The following TRPC6 variants were observed in gnomAD, a reference collection of about 807,000 sequenced individuals.
TRPC6 encodes short transient receptor potential channel 6.
Under a neutral mutation model 90.7 loss-of-function variants are expected in TRPC6, and 55 were observed. The observed-to-expected ratio is 0.61, with a 90% confidence interval of 0.49 to 0.76. The LOEUF is 0.76. TRPC6 is among the 30% of genes least tolerant of loss of function. The pLI is 0.00. For missense variants in TRPC6, 989 were observed against 1,122.7 expected, an observed-to-expected ratio of 0.88 and a Z score of 1.70; for synonymous variants, 393 against 393.0, an observed-to-expected ratio of 1.00 and a Z score of 0.00.
At chr11:101,495,101 C>A (rs1168759641) in intron 2 of TRPC6, among the ~76,000 whole-genome samples, 1 of 152,142 alleles carries the variant, frequency 6.6e-6, no homozygotes, top group Non-Finnish European at 1.5e-5. Context: ...GATCACACAC[C>A]TACACTGTAC....
chr11:101,545,742 T>G (rs1015562941), intron 1 of TRPC6, among the ~76,000 whole-genome samples: 2 of 152,190 alleles, frequency 1.3e-5, no homozygotes, highest in Admixed American at 1.3e-4. Context: ...AATTTTTAGG[T>G]AGATGATGGA....
At chr11:101,523,670 T>C (rs1223802979) in intron 1 of TRPC6, among the ~76,000 whole-genome samples, 2 of 152,202 alleles carry the variant, frequency 1.3e-5, no homozygotes, top group African/African-American at 2.4e-5. Flanking sequence ...CAGATACTTA[T>C]TGTTAGCTGA....
chr11:101,478,273 T>C (rs933964493), intron 5 of TRPC6, among the ~76,000 whole-genome samples: 1 of 152,196 alleles, frequency 6.6e-6, no homozygotes, highest in Non-Finnish European at 1.5e-5. Flanking sequence ...TTTTGAGTTG[T>C]TTCAAGTTAA....
intron 5 of TRPC6, among the ~76,000 whole-genome samples, chr11:101,479,009 T>G (rs1416113217): frequency 1.3e-5 from 2 of 152,160 alleles, no homozygotes; most frequent in Non-Finnish European, 2.9e-5. Context: ...TCACTTTGTC[T>G]TCTTTTTCAC....
chr11:101,538,551 A>G (rs1861103913), intron 1 of TRPC6, among the ~76,000 whole-genome samples: 1 of 152,228 alleles, frequency 6.6e-6, no homozygotes, highest in African/African-American at 2.4e-5. Flanking sequence ...GTTACATGGC[A>G]AAAGGGACTC....
In TRPC6 at chr11:101,583,526, G is replaced by A; in HGVS notation, c.-23C>T. The A allele has an allele frequency of 3.5e-6, 5 of 1,435,766 alleles. No homozygotes were observed. The highest frequency in any genetic ancestry group is 4.5e-6 in the Non-Finnish European group (5 of 1,099,654). 88.9% of individuals were successfully genotyped at this position (1,435,766 alleles called of 1,614,324 possible). Reference sequence around the variant, plus strand: ...CATGGCGGGAACGCCCGACTGGCCTGGGCCCCGCTCCCGGGGGAGCCGAGT... The same window carrying A: ...CATGGCGGGAACGCCCGACTGGCCTAGGCCCCGCTCCCGGGGGAGCCGAGT... On this transcript the variant is annotated 5_prime_UTR_variant, in exon 1 of 13. Transcript: ENST00000344327.
At chr11:101,526,861 CAAAAAAAAAAAAAAAAAAA>C (rs573864895) in intron 1 of TRPC6, among the ~76,000 whole-genome samples, 27 of 36,122 alleles carry the variant, frequency 7.5e-4, no homozygotes, top group Admixed American at 2.9e-3. Context: ...GAGACTGTCT[CAAAAAAAAAAAAAAAAAAA>C]AAAAAAAAAA....
intron 7 of TRPC6, 44 bp downstream of exon 7, chr11:101,473,465 T>C (rs778885286): frequency 6.2e-7 from 1 of 1,604,642 alleles, no homozygotes; most frequent in Non-Finnish European, 8.5e-7. Flanking sequence ...CTAATATTTA[T>C]TTAATTTGCA....
intron 1 of TRPC6, among the ~76,000 whole-genome samples, chr11:101,514,214 A>G (rs1860463894): frequency 6.6e-6 from 1 of 152,202 alleles, no homozygotes; most frequent in South Asian, 2.1e-4. Flanking sequence ...CTCAGCTTCA[A>G]CATGTTCTAG....
At chr11:101,562,739 A>G (rs756576559) in intron 1 of TRPC6, among the ~76,000 whole-genome samples, 17 of 152,182 alleles carry the variant, frequency 1.1e-4, no homozygotes, top group Non-Finnish European at 2.2e-4. Flanking sequence ...CTTGTCCAAG[A>G]GAGTAAAGAA....
At chr11:101,563,892 T>C (rs896934790) in intron 1 of TRPC6, among the ~76,000 whole-genome samples, 1 of 152,214 alleles carries the variant, frequency 6.6e-6, no homozygotes, top group Non-Finnish European at 1.5e-5. Flanking sequence ...TTCCATTTTC[T>C]ACTTGTACAT....
At chr11:101,521,038 C>T (rs1235086255) in intron 1 of TRPC6, among the ~76,000 whole-genome samples, 1 of 152,134 alleles carries the variant, frequency 6.6e-6, no homozygotes, top group Non-Finnish European at 1.5e-5. Context: ...AAAAGAAAAA[C>T]CCATTTTTCA....
chr11:101,456,369 A>C (rs1858882803), intron 10 of TRPC6, among the ~76,000 whole-genome samples: 1 of 152,194 alleles, frequency 6.6e-6, no homozygotes, highest in South Asian at 2.1e-4. Context: ...ATAACATCTT[A>C]AATAATATAA....
At position 101,506,807 on chromosome 11, in the gene TRPC6, G is replaced by A. The variant is rs189743974; in HGVS notation, c.171-2009C>T. On this transcript the variant is annotated intron_variant, in intron 1 of 12. Coordinates refer to ENST00000344327, the MANE Select transcript of TRPC6 (RefSeq NM_004621.6). ...TTTTAATTTTAGTAAAGTTATACAT[G>A]TGCATATTTTAGTTTATTCTATGTC... 8.6e-4 allele frequency among the ~76,000 whole-genome samples: 130 copies of A among 151,996 alleles called. 1 individual carries two copies. The highest frequency in any genetic ancestry group is 2.8e-3 in the African/African-American group (116 of 41,428).
intron 1 of TRPC6, among the ~76,000 whole-genome samples, chr11:101,508,877 A>C (rs547906853): frequency 3.3e-5 from 5 of 152,128 alleles, no homozygotes; most frequent in African/African-American, 4.8e-5. Flanking sequence ...TCATCCATTA[A>C]AATGGGAGAA....
intron 1 of TRPC6, among the ~76,000 whole-genome samples, chr11:101,516,670 C>A (rs1224450557): frequency 3.3e-5 from 5 of 152,204 alleles, no homozygotes; most frequent in Non-Finnish European, 7.3e-5. Flanking sequence ...AGAGCAGAAC[C>A]TGTGGTTCAT....
At chr11:101,455,973 AGATT>A (rs1858873553) in intron 10 of TRPC6, among the ~76,000 whole-genome samples, 1 of 152,190 alleles carries the variant, frequency 6.6e-6, no homozygotes, top group African/African-American at 2.4e-5. Flanking sequence ...AAATATGGCA[AGATT>A]GATAAGATTA....
intron 1 of TRPC6, among the ~76,000 whole-genome samples, chr11:101,555,797 T>A (rs1378762241): frequency 1.3e-5 from 2 of 152,130 alleles, no homozygotes; most frequent in Non-Finnish European, 2.9e-5. Flanking sequence ...TAAAATTTAT[T>A]TACAAAACTT....
At chr11:101,552,601 A>T (rs1381938133) in intron 1 of TRPC6, among the ~76,000 whole-genome samples, 1 of 152,096 alleles carries the variant, frequency 6.6e-6, no homozygotes, top group Non-Finnish European at 1.5e-5. Flanking sequence ...CCAAATCAAA[A>T]AGTGAACACT....
Sources: allele counts gnomAD v4.1 joint callset (sites outside exome capture counted in the v4.1 genomes callset), GRCh38; gene constraint gnomAD v4.1.1; transcripts MANE v1.5; gene names NCBI Gene and HGNC (gene_info 2026-07-23, HGNC 2026-07-21).